Variants in CDC42SE2 observed in about 807,000 individuals in gnomAD.
CDC42SE2 encodes CDC42 small effector 2.
A neutral mutation model predicts 11.5 loss-of-function variants in CDC42SE2; 3 were observed. That is an observed-to-expected ratio of 0.26 (90% CI 0.12 to 0.67). CDC42SE2 has a LOEUF of 0.67. Among genes scored for constraint, CDC42SE2 ranks in the 30% least tolerant of loss-of-function variants. The probability of loss-of-function intolerance (pLI) is 0.80; values close to 1 mark genes in which losing one functional copy is unlikely to be tolerated. For missense variants in CDC42SE2, 82 were observed against 106.8 expected (o/e 0.77, Z 1.02); for synonymous variants, 33 against 34.8 (o/e 0.95, Z 0.18).
chr5:131,302,803 G>A (rs1248540993), intron 1 of CDC42SE2, among the ~76,000 whole-genome samples: 1 of 150,794 alleles, frequency 6.6e-6, no homozygotes, highest in Non-Finnish European at 1.5e-5. Flanking sequence ...GGAGTAGTCC[G>A]TTTTTGTTGC....
At chr5:131,326,800 A>G (rs949753525) in intron 2 of CDC42SE2, among the ~76,000 whole-genome samples, 17 of 151,960 alleles carry the variant, frequency 1.1e-4, no homozygotes, top group African/African-American at 3.9e-4. Flanking sequence ...TTTTTTAGGG[A>G]GACAGAATCT....
At chr5:131,298,508 A>G (rs1262867508) in intron 1 of CDC42SE2, among the ~76,000 whole-genome samples, 8 of 151,450 alleles carry the variant, frequency 5.3e-5, no homozygotes, top group Non-Finnish European at 1.0e-4. Flanking sequence ...CGTCACAAAT[A>G]TAGGAATTCT....
At chr5:131,276,636 C>T (rs1445833451) in intron 1 of CDC42SE2, among the ~76,000 whole-genome samples, 1 of 152,064 alleles carries the variant, frequency 6.6e-6, no homozygotes, top group East Asian at 1.9e-4. Flanking sequence ...TTTCATATCG[C>T]CACAATGTGT....
At chr5:131,235,812 CT>C in the CDC42SE2 span, among the ~76,000 whole-genome samples, 1 of 151,806 alleles carries the variant, frequency 6.6e-6, no homozygotes, top group African/African-American at 2.4e-5. Context: ...CCGGGCTGCT[CT>C]CGAACTCCTG....
At chr5:131,211,444 T>G in the CDC42SE2 span, among the ~76,000 whole-genome samples, 1 of 152,248 alleles carries the variant, frequency 6.6e-6, no homozygotes, top group African/African-American at 2.4e-5. Flanking sequence ...AATTTTATAC[T>G]TTCTTTCAGA....
At position 131,298,159 on chromosome 5, in the gene CDC42SE2, A is replaced by T. The variant is rs111609550; in HGVS notation, c.-454-17817A>T. Among the ~76,000 whole-genome samples the T allele has an allele frequency of 6.7e-3, 1,010 of 151,520 alleles. 7 individuals carry two copies. Among genetic ancestry groups the T allele is most frequent in the African/African-American group, 0.023 (964 of 41,290 alleles). On this transcript the variant is annotated intron_variant, in intron 1 of 4. Coordinates refer to ENST00000505065, the MANE Select transcript of CDC42SE2 (RefSeq NM_001375635.1). ...CTCTTGTTGCCCAGGCTGGAGTGCA[A>T]TGGAAAAATCTCGGCTCAGCGCAAC...
intron 1 of CDC42SE2, among the ~76,000 whole-genome samples, chr5:131,304,147 T>C (rs1757736523): frequency 6.6e-6 from 1 of 151,936 alleles, no homozygotes; most frequent in African/African-American, 2.4e-5. Context: ...TTTTTAATTT[T>C]TAAATTTTGT....
At chr5:131,364,633 C>T (rs942163096) in intron 3 of CDC42SE2, among the ~76,000 whole-genome samples, 2 of 152,182 alleles carry the variant, frequency 1.3e-5, no homozygotes, top group Non-Finnish European at 2.9e-5. Context: ...ACTGACAAAC[C>T]ATACTGCACA....
At chr5:131,351,161 G>T (rs1164476546) in intron 2 of CDC42SE2, among the ~76,000 whole-genome samples, 1 of 151,996 alleles carries the variant, frequency 6.6e-6, no homozygotes, top group African/African-American at 2.4e-5. Flanking sequence ...AGTTGCCCAG[G>T]CTGGTCTTGA....
the CDC42SE2 span, among the ~76,000 whole-genome samples, chr5:131,218,628 G>A: frequency 1.2e-5 from 1 of 86,396 alleles, no homozygotes; most frequent in Non-Finnish European, 2.1e-5. Flanking sequence ...TGACTAATAC[G>A]TAGAAAGAGT....
intron 2 of CDC42SE2, among the ~76,000 whole-genome samples, chr5:131,323,959 G>T (rs1191674931): frequency 6.6e-6 from 1 of 152,084 alleles, no homozygotes; most frequent in African/African-American, 2.4e-5. Flanking sequence ...AATGTAAATT[G>T]TCTTTAAATT....
At chr5:131,242,436 T>G (rs1382288622), upstream of CDC42SE2, among the ~76,000 whole-genome samples, 5 of 152,172 alleles carry the variant, frequency 3.3e-5, no homozygotes, top group Admixed American at 3.3e-4. Flanking sequence ...TGTTTATATA[T>G]TCTCTCTAGA....
chr5:131,366,480 G>A (rs1429707191), intron 3 of CDC42SE2, among the ~76,000 whole-genome samples: 1 of 151,940 alleles, frequency 6.6e-6, no homozygotes, highest in Non-Finnish European at 1.5e-5. Context: ...GTAAATGTCA[G>A]AGAAGAAATT....
intron 1 of CDC42SE2, among the ~76,000 whole-genome samples, chr5:131,276,728 A>AT (rs71000985): frequency 1.1e-3 from 140 of 126,782 alleles, no homozygotes; most frequent in East Asian, 3.4e-3. Context: ...GACCATTAGA[A>AT]TTTTTTTTTT....
chr5:131,324,571 C>T (rs1758259108), intron 2 of CDC42SE2, among the ~76,000 whole-genome samples: 2 of 152,172 alleles, frequency 1.3e-5, no homozygotes, highest in South Asian at 2.1e-4. Context: ...GAAATCAGGG[C>T]AGGCACTGGT....
chr5:131,231,712 C>T, the CDC42SE2 span, among the ~76,000 whole-genome samples: 2 of 152,078 alleles, frequency 1.3e-5, no homozygotes, highest in East Asian at 3.8e-4. Context: ...TTTGTTTCTT[C>T]CTTTTTGCCT....
At chr5:131,230,276 G>A in the CDC42SE2 span, among the ~76,000 whole-genome samples, 1 of 152,118 alleles carries the variant, frequency 6.6e-6, no homozygotes, top group African/African-American at 2.4e-5. Context: ...TCCTGTACTT[G>A]TCTTCAAAGG....
rs1210880554 is a variant in CDC42SE2, at chr5:131,298,258, A to G, written c.-454-17718A>G. 2.6e-5 allele frequency among the ~76,000 whole-genome samples: 4 copies of G among 151,458 alleles called. No individual in the cohort carries two copies. In the South Asian group the frequency reaches 6.3e-4, roughly 24 times the overall value. The stretch of plus-strand genomic sequence containing the variant: ...GTTGGGATTACAGGCAGGCACCACC[A>G]TGCCTGGCTAATTTTTATTTTTTTT... On this transcript the variant is annotated intron_variant, in intron 1 of 4. Transcript: ENST00000505065.
chr5:131,240,361 T>C, the CDC42SE2 span, among the ~76,000 whole-genome samples: 1 of 152,216 alleles, frequency 6.6e-6, no homozygotes, highest in Non-Finnish European at 1.5e-5. Context: ...TAATATCTAC[T>C]GTCCATTTGT....
Sources: gnomAD v4.1 joint callset for allele counts (sites outside exome capture counted in the v4.1 genomes callset) on GRCh38, gnomAD v4.1.1 for gene constraint, MANE v1.5 for transcripts, NCBI Gene and HGNC (gene_info 2026-07-23, HGNC 2026-07-21) for gene names.